Variants in DLGAP1 observed in about 807,000 individuals in gnomAD.
The protein encoded by DLGAP1 is DLG associated protein 1.
DLGAP1 carries 11 observed loss-of-function variants against 90.8 expected under a neutral mutation model. The ratio of observed to expected loss-of-function variants is 0.12; its 90% CI spans 0.08 to 0.20. The LOEUF is 0.20. Among genes scored for constraint, DLGAP1 ranks in the 10% least tolerant of loss-of-function variants. DLGAP1 has a pLI of 1.00. For missense variants in DLGAP1, 1,050 were observed against 1,333.8 expected (o/e 0.79, Z 3.31); for synonymous variants, 558 against 540.7 (o/e 1.03, Z -0.44).
intron 1 of DLGAP1, among the ~76,000 whole-genome samples, chr18:4,187,099 T>C (rs1273247520): frequency 6.6e-6 from 1 of 152,190 alleles, no homozygotes. Flanking sequence ...TGTACGTTGA[T>C]TTTGCATCCT....
intron 9 of DLGAP1, among the ~76,000 whole-genome samples, chr18:3,552,126 C>G (rs1165078334): frequency 6.6e-6 from 1 of 151,800 alleles, no homozygotes; most frequent in African/African-American, 2.4e-5. Flanking sequence ...TCACTTCTGC[C>G]CCTTCCCTCA....
intron 7 of DLGAP1, among the ~76,000 whole-genome samples, chr18:3,599,832 T>G (rs1245773116): frequency 6.6e-6 from 1 of 152,156 alleles, no homozygotes; most frequent in Non-Finnish European, 1.5e-5. Flanking sequence ...TGGGCCAGGA[T>G]GGTCTCGATC....
At chr18:4,180,273 T>A (rs1296897517) in intron 1 of DLGAP1, among the ~76,000 whole-genome samples, 3 of 152,158 alleles carry the variant, frequency 2.0e-5, no homozygotes, top group Admixed American at 1.3e-4. Flanking sequence ...TTGGCTTCAG[T>A]TACACTCATC....
At chr18:4,106,355 A>C (rs1270167910) in intron 2 of DLGAP1, among the ~76,000 whole-genome samples, 1 of 152,182 alleles carries the variant, frequency 6.6e-6, no homozygotes, top group African/African-American at 2.4e-5. Context: ...TTTCATTGGC[A>C]GAAAGGCAGG....
chr18:3,534,694 CT>C (rs570549234), intron 9 of DLGAP1, 79 bp from the exon 10 acceptor site: 192,980 of 968,946 alleles, frequency 0.2, 700 homozygotes, highest in South Asian at 0.28. Flanking sequence ...TCCTTTCTTT[CT>C]TTTTTTTTTT....
chr18:4,162,942 T>A (rs538398347), intron 1 of DLGAP1, among the ~76,000 whole-genome samples: 273 of 152,302 alleles, frequency 1.8e-3, no homozygotes, highest in Middle Eastern at 3.4e-3. Context: ...AATATCATTC[T>A]GTTTTGAGCT....
At chr18:4,252,308 T>C (rs1341072120) in intron 1 of DLGAP1, among the ~76,000 whole-genome samples, 1 of 152,238 alleles carries the variant, frequency 6.6e-6, no homozygotes, top group Non-Finnish European at 1.5e-5. Flanking sequence ...GTGTGAATGA[T>C]ATCTATTCAC....
chr18:4,091,515 T>C (rs2075772797), intron 2 of DLGAP1, among the ~76,000 whole-genome samples: 1 of 152,230 alleles, frequency 6.6e-6, no homozygotes, highest in Non-Finnish European at 1.5e-5. Context: ...ATATATTCAA[T>C]CATTTGATAT....
intron 5 of DLGAP1, among the ~76,000 whole-genome samples, chr18:3,759,346 C>G (rs1234798346): frequency 4.0e-5 from 6 of 151,894 alleles, no homozygotes; most frequent in Admixed American, 1.3e-4. Flanking sequence ...CACAGGCTCA[C>G]TATGTGCAAA....
chr18:3,639,820 T>C (rs2146297374), intron 7 of DLGAP1, among the ~76,000 whole-genome samples: 1 of 138,316 alleles, frequency 7.2e-6, no homozygotes, highest in Admixed American at 7.2e-5. Flanking sequence ...AGTGGCGCGA[T>C]CTCGGCTCAC....
intron 3 of DLGAP1, among the ~76,000 whole-genome samples, chr18:3,881,446 T>A (rs1159426982): frequency 6.6e-6 from 1 of 152,164 alleles, no homozygotes; most frequent in East Asian, 1.9e-4. Flanking sequence ...TTCCACCACA[T>A]CTGAAACTCA....
At chr18:4,165,003 C>A (rs537587992) in intron 1 of DLGAP1, among the ~76,000 whole-genome samples, 1 of 151,990 alleles carries the variant, frequency 6.6e-6, no homozygotes, top group Non-Finnish European at 1.5e-5. Context: ...CTTCAGGGGC[C>A]TTTAGGAAGA....
intron 1 of DLGAP1, among the ~76,000 whole-genome samples, chr18:4,421,829 C>T (rs2083042768): frequency 6.6e-6 from 1 of 152,136 alleles, no homozygotes; most frequent in Non-Finnish European, 1.5e-5. Flanking sequence ...CTGCCTCAGC[C>T]TCCCGAGTAG....
intron 9 of DLGAP1, among the ~76,000 whole-genome samples, chr18:3,562,539 C>CTTTT (rs59612709): frequency 7.6e-5 from 9 of 118,138 alleles, no homozygotes; most frequent in African/African-American, 1.1e-4. Context: ...TCTTCTCTCC[C>CTTTT]TTTTTTTTTT....
At chr18:3,719,929 G>A (rs1313945597) in intron 7 of DLGAP1, among the ~76,000 whole-genome samples, 1 of 152,170 alleles carries the variant, frequency 6.6e-6, no homozygotes, top group East Asian at 1.9e-4. Context: ...ATATGTAATG[G>A]AATAAGAAAG....
chr18:3,735,561 T>A (rs193148228), intron 6 of DLGAP1, among the ~76,000 whole-genome samples: 1 of 152,100 alleles, frequency 6.6e-6, no homozygotes, highest in Non-Finnish European at 1.5e-5. Flanking sequence ...TGGTACACAC[T>A]CCATAAAAGG....
chr18:4,436,096 A>C (rs1185708318), intron 1 of DLGAP1, among the ~76,000 whole-genome samples: 1 of 152,228 alleles, frequency 6.6e-6, no homozygotes, highest in East Asian at 1.9e-4. Context: ...AAAGGTAGGG[A>C]AGGTTAGAAA....
chr18:3,975,781 G>T (rs1378946744), intron 3 of DLGAP1, among the ~76,000 whole-genome samples: 1 of 152,124 alleles, frequency 6.6e-6, no homozygotes, highest in African/African-American at 2.4e-5. Flanking sequence ...CGACATGGAT[G>T]AACCTCAAAG....
At chr18:3,690,504 AG>A (rs2060856577) in intron 7 of DLGAP1, among the ~76,000 whole-genome samples, 1 of 152,164 alleles carries the variant, frequency 6.6e-6, no homozygotes, top group African/African-American at 2.4e-5. Flanking sequence ...TCCAAAGACG[AG>A]CTGGGGCCCT....
Sources: allele counts gnomAD v4.1 joint callset (sites outside exome capture counted in the v4.1 genomes callset), GRCh38; gene constraint gnomAD v4.1.1; transcripts MANE v1.5; gene names NCBI Gene and HGNC (gene_info 2026-07-23, HGNC 2026-07-21).